Variants in MLLT1 observed in about 807,000 individuals in gnomAD.
The protein encoded by MLLT1 is protein ENL.
A neutral mutation model predicts 55.1 loss-of-function variants in MLLT1; 11 were observed. That is an observed-to-expected ratio of 0.20 (90% confidence interval 0.13 to 0.33). MLLT1 has a LOEUF of 0.33. Ranked by LOEUF, MLLT1 falls within the 10% of genes least tolerant of loss-of-function variation. The pLI is 1.00. For missense variants in MLLT1, 536 were observed against 760.6 expected, an observed-to-expected ratio of 0.70 and a Z score of 3.47; for synonymous variants, 323 against 320.1, an observed-to-expected ratio of 1.01 and a Z score of -0.10.
In MLLT1 at chr19:6,273,380, G is replaced by C. The variant is rs1462271653; in HGVS notation, c.13-2621C>G. On this transcript the variant is annotated intron_variant, in intron 1 of 11. Coordinates refer to ENST00000252674, the MANE Select transcript of MLLT1 (RefSeq NM_005934.4). This position sits in a 1 kb window ranked among gnomAD's most constrained non-coding sequence, Gnocchi z 4.3. ...GGCAGCAGGGACATTCACGACCCCAGTGTGGGAAGAAAGTGGGGATGGACG... is the reference window on the plus strand; with the variant it reads ...GGCAGCAGGGACATTCACGACCCCACTGTGGGAAGAAAGTGGGGATGGACG... Among the ~76,000 whole-genome samples the C allele has an allele frequency of 6.6e-6, 1 of 152,206 alleles. No individual in the cohort carries two copies. Among genetic ancestry groups the C allele is most frequent in the African/African-American group, 2.4e-5 (1 of 41,444 alleles).
At position 6,226,706 on chromosome 19, in the gene MLLT1, C is replaced by A. The variant is rs1418897542; in HGVS notation, c.546+271G>T. On this transcript the variant is annotated intron_variant, in intron 5 of 11. Coordinates refer to ENST00000252674, the MANE Select transcript of MLLT1 (RefSeq NM_005934.4). This position sits in a 1 kb window ranked among gnomAD's most constrained non-coding sequence, Gnocchi z 6.3. Reference sequence around the variant, plus strand: ...CTTCAGGCCGAGCAGTCCTGGGGCCCTGCCATCACTTGGCAGAACGGGAGA... The same window carrying A: ...CTTCAGGCCGAGCAGTCCTGGGGCCATGCCATCACTTGGCAGAACGGGAGA... Among the ~76,000 whole-genome samples the A allele has an allele frequency of 6.6e-6, 1 of 152,184 alleles. No homozygotes were observed. The highest frequency in any genetic ancestry group is 1.5e-5 in the Non-Finnish European group (1 of 68,050).
intron 3 of MLLT1, among the ~76,000 whole-genome samples, chr19:6,243,587 C>G (rs938092378): frequency 1.3e-5 from 2 of 152,146 alleles, no homozygotes; most frequent in Admixed American, 6.5e-5. Flanking sequence ...CAGGATCTAA[C>G]AGCAAATGCC....
intron 3 of MLLT1, among the ~76,000 whole-genome samples, chr19:6,241,255 G>A (rs567201811): frequency 3.3e-5 from 5 of 152,262 alleles, no homozygotes; most frequent in Admixed American, 6.5e-5. Context: ...GCCCCATCCC[G>A]AGAGCCCGTG....
At chr19:6,233,764 C>G (rs115181525) in intron 3 of MLLT1, among the ~76,000 whole-genome samples, 188 of 152,350 alleles carry the variant, frequency 1.2e-3, no homozygotes, top group African/African-American at 4.2e-3. Flanking sequence ...TGCTACACAG[C>G]TGGTCCGAGC....
intron 3 of MLLT1, among the ~76,000 whole-genome samples, chr19:6,254,816 C>T (rs186767327): frequency 2.6e-5 from 4 of 152,314 alleles, no homozygotes; most frequent in Admixed American, 6.5e-5. Flanking sequence ...TGCCCACCCT[C>T]TCCACTGCTA....
At position 6,226,897 on chromosome 19, in the gene MLLT1, T is replaced by G; in HGVS notation, c.546+80A>C. On this transcript the variant is annotated intron_variant, in intron 5 of 11. Transcript: ENST00000252674. This position sits in a 1 kb window ranked among gnomAD's most constrained non-coding sequence, Gnocchi z 6.3. ...AGCAGGTGCGGAAGGCCCAGCCCAG[T>G]GGAGGGAGGGCGCCGGGGCCAGACC... 1.5e-6 allele frequency: 2 copies of G among 1,296,770 alleles called. No homozygotes were observed. Among genetic ancestry groups the G allele is most frequent in the South Asian group, 3.3e-5 (2 of 60,964 alleles). The allele number at this position is 1,296,770 out of a possible 1,614,324, so 80.3% of individuals were successfully genotyped here.
chr19:6,215,454 A>AC (rs2090832273), intron 8 of MLLT1, among the ~76,000 whole-genome samples: 1 of 149,938 alleles, frequency 6.7e-6, no homozygotes, highest in Non-Finnish European at 1.5e-5. Context: ...GTGGGCCCGG[A>AC]CCTCCCACCA....
chr19:6,275,945 A>G (rs990556622), intron 1 of MLLT1, among the ~76,000 whole-genome samples: 1 of 152,148 alleles, frequency 6.6e-6, no homozygotes, highest in Admixed American at 6.5e-5. Flanking sequence ...CACGTTCTCC[A>G]GGGGGGAGGG....
chr19:6,270,987 C>T lies in MLLT1; in HGVS notation c.13-228G>A, dbSNP rs916250279. The stretch of plus-strand genomic sequence containing the variant: ...AGACCCCGTGTCTCCTCTCATCCAC[C>T]GCCTCATCCTCAATTCCACCCGCAC... On this transcript the variant is annotated intron_variant, in intron 1 of 11. Coordinates refer to ENST00000252674, the MANE Select transcript of MLLT1 (RefSeq NM_005934.4). This position sits in a 1 kb window ranked among gnomAD's most constrained non-coding sequence, Gnocchi z 7.1. Among the ~76,000 whole-genome samples, 9 of 152,116 alleles carry T rather than the reference C, an allele frequency of 5.9e-5. No homozygotes were observed. Among genetic ancestry groups the T allele is most frequent in the Non-Finnish European group, 1.3e-4 (9 of 68,026 alleles).
intron 4 of MLLT1, among the ~76,000 whole-genome samples, chr19:6,228,906 G>A (rs573046586): frequency 1.2e-4 from 18 of 152,264 alleles, no homozygotes; most frequent in Middle Eastern, 6.8e-3. Flanking sequence ...CAGCCTGCGC[G>A]TCTCTCTGTG....
rs577801582 is a variant in MLLT1 at position 6,211,133 on chromosome 19, G to A, written c.*1909C>T. 71 of 232,662 alleles carry A rather than the reference G, an allele frequency of 3.1e-4. No individual in the cohort carries two copies. The highest frequency in any genetic ancestry group is 1.4e-3 in the African/African-American group (62 of 45,440). 14.4% of individuals were successfully genotyped at this position (232,662 alleles called of 1,614,324 possible). A position where few individuals can be genotyped will look rare whatever the true frequency, so the allele number is the denominator to read the frequency against. On this transcript the variant is annotated 3_prime_UTR_variant, in exon 12 of 12. Transcript: ENST00000252674. This position sits in a 1 kb window ranked among gnomAD's most constrained non-coding sequence, Gnocchi z 4.6. ...CCGTGACCCCGGCGGCCTCTTGTGC[G>A]TAGAGCTCCCAGCAGCACGGGCCCC...
intron 3 of MLLT1, among the ~76,000 whole-genome samples, chr19:6,251,435 C>T (rs1600203407): frequency 1.3e-5 from 2 of 152,128 alleles, no homozygotes; most frequent in South Asian, 2.1e-4. Flanking sequence ...CCATGCTAGA[C>T]GCCAGACGAG....
At chr19:6,214,325 C>T (rs1237792158) in intron 8 of MLLT1, among the ~76,000 whole-genome samples, 1 of 152,242 alleles carries the variant, frequency 6.6e-6, no homozygotes, top group Admixed American at 6.5e-5. Context: ...GCCAATGGGC[C>T]TTGCTGGGCT....
rs1272960035 is a variant in MLLT1, at chr19:6,211,950, C to T, written c.*1092G>A. 17 of 1,065,078 alleles carry T rather than the reference C, an allele frequency of 1.6e-5. No homozygotes were observed. The South Asian group carries it at 5.0e-4, about 31-fold the overall frequency. The allele number at this position is 1,065,078 out of a possible 1,614,324, so 66.0% of individuals were successfully genotyped here. On this transcript the variant is annotated 3_prime_UTR_variant, in exon 12 of 12. Transcript: ENST00000252674. The surrounding 1 kb of genome is among the most constrained non-coding windows in gnomAD (Gnocchi z 4.6). ...GAAAGGCAGCCTGGGAGGGCCAGCC[C>T]GGCCAACCCACCGGGCCTGCTGATG...
rs564084024 is a variant in MLLT1 at position 6,273,827 on chromosome 19, C to G, written c.13-3068G>C. On this transcript the variant is annotated intron_variant, in intron 1 of 11. Transcript: ENST00000252674. The surrounding 1 kb of genome is among the most constrained non-coding windows in gnomAD (Gnocchi z 4.3). ...TATTCACTGACCCGGCCACTCAGAC[C>G]TCGGCCGACTTCCCGGCATTTCTGA... Among the ~76,000 whole-genome samples, 1 of 152,332 alleles carries G rather than the reference C, an allele frequency of 6.6e-6. No individual in the cohort carries two copies. The highest frequency in any genetic ancestry group is 2.4e-5 in the African/African-American group (1 of 41,576).
rs1018384914 is a variant in MLLT1 at position 6,235,062 on chromosome 19, T to C, written c.277-4349A>G. ...CTTGTTAGAGGCCCCTTTTGAAATA[T>C]TTACACATGAAATGAGGATGTCTGG... On this transcript the variant is annotated intron_variant, in intron 3 of 11. Transcript: ENST00000252674. The surrounding 1 kb of genome is among the most constrained non-coding windows in gnomAD (Gnocchi z 5.5). Among the ~76,000 whole-genome samples the C allele has an allele frequency of 3.9e-5, 6 of 152,140 alleles. No individual in the cohort carries two copies. Among genetic ancestry groups the C allele is most frequent in the African/African-American group, 1.2e-4 (5 of 41,420 alleles).
intron 6 of MLLT1, among the ~76,000 whole-genome samples, chr19:6,220,895 G>A (rs1456205460): frequency 1.3e-5 from 2 of 152,184 alleles, no homozygotes; most frequent in South Asian, 2.1e-4. Context: ...AGGTGGCACC[G>A]GCCCCCCCAC....
At chr19:6,247,940 G>A (rs1600200361) in intron 3 of MLLT1, among the ~76,000 whole-genome samples, 1 of 152,144 alleles carries the variant, frequency 6.6e-6, no homozygotes, top group Non-Finnish European at 1.5e-5. Context: ...ACCCAGGCTG[G>A]AGTGCAGTGG....
chr19:6,218,494 T>C (rs758883290), intron 6 of MLLT1, among the ~76,000 whole-genome samples: 5 of 152,218 alleles, frequency 3.3e-5, no homozygotes, highest in Non-Finnish European at 5.9e-5. Context: ...CCCAGTGCTG[T>C]CCGGGGCTCA....
Sources: gnomAD v4.1 joint callset for allele counts (sites outside exome capture counted in the v4.1 genomes callset) on GRCh38, gnomAD v4.1.1 for gene constraint, Gnocchi (gnomAD v3.1) non-coding constraint, MANE v1.5 for transcripts, NCBI Gene and HGNC (gene_info 2026-07-23, HGNC 2026-07-21) for gene names.